CWC22: variants seen among roughly 807,000 people sequenced by gnomAD.
CWC22 encodes CWC22 spliceosome associated protein.
CWC22 carries 53 observed loss-of-function variants against 117.2 expected under a neutral mutation model. The observed-to-expected ratio is 0.45, with a 90% CI of 0.36 to 0.57. CWC22 has a LOEUF of 0.57. Among genes scored for constraint, CWC22 ranks in the 20% least tolerant of loss-of-function variants. The probability of loss-of-function intolerance (pLI) is 0.00; values close to 1 mark genes in which losing one functional copy is unlikely to be tolerated. For missense variants in CWC22, 980 were observed against 1,068.8 expected, an observed-to-expected ratio of 0.92 and a Z score of 1.16; for synonymous variants, 360 against 355.6, an observed-to-expected ratio of 1.01 and a Z score of -0.14.
At position 179,986,713 on chromosome 2, in the gene CWC22, T is replaced by A. The variant is rs1687427004; in HGVS notation, c.188A>T (p.Asp63Val). 6.3e-7 allele frequency: 1 copy of A among 1,594,840 alleles called. No homozygotes were observed. Among genetic ancestry groups the A allele is most frequent in the African/African-American group, 1.3e-5 (1 of 74,454 alleles). Residue 63 changes from aspartate to valine, a missense_variant, in exon 4 of 20, where the codon GAT becomes GTT. By Grantham distance (152) the Asp-to-Val change is radical (BLOSUM62 -3). Transcript: ENST00000410053. ...YEHSRRGRSY[D>V]SSMESRNRDR... ...CACTAACCGTGACTCCATGCTACTA[T>A]CATAAGAACGTCCTCTTCTTGAATG...
intron 4 of CWC22, 51 bp from the exon 5 acceptor site, chr2:179,982,048 T>G: frequency 1.0e-6 from 1 of 978,584 alleles, no homozygotes; most frequent in African/African-American, 1.6e-5. Context: ...AAACACACTC[T>G]TAGCAATTAA....
In CWC22 at chr2:179,992,617, A is replaced by G. The variant is rs1225953111; in HGVS notation, c.27+698T>C. On this transcript the variant is annotated intron_variant, in intron 2 of 19. Coordinates refer to ENST00000410053, the MANE Select transcript of CWC22 (RefSeq NM_020943.3). The stretch of plus-strand genomic sequence containing the variant: ...ACATACTACATAACTTATCAAGTTT[A>G]TAATTTATTTTATCTCCTCCCCACA... Among the ~76,000 whole-genome samples, 3 of 152,236 alleles carry G rather than the reference A, an allele frequency of 2.0e-5. No homozygotes were observed. In the East Asian group the frequency reaches 5.8e-4, roughly 29 times the overall value.
chr2:179,945,944 G>A (rs372704676), intron 19 of CWC22, among the ~76,000 whole-genome samples: 5 of 152,014 alleles, frequency 3.3e-5, no homozygotes, highest in African/African-American at 7.2e-5. Flanking sequence ...GTGCAGTGGC[G>A]CAATCTCGGC....
chr2:179,945,368 A>T lies in CWC22; in HGVS notation c.2488T>A (p.Phe830Ile). 2 of 1,612,528 alleles carry T rather than the reference A, an allele frequency of 1.2e-6. No individual in the cohort carries two copies. Among genetic ancestry groups the T allele is most frequent in the African/African-American group, 1.3e-5 (1 of 74,830 alleles). ...TGTGTATGCTTCTCATTTTCAGAAA[A>T]AGAATTTCTTCTCTCTCCTCTCTTC... ...KKKRGERRNS[F>I]SENEKHTHRI... Residue 830 changes from phenylalanine (F) to isoleucine (I), a missense_variant, in exon 20 of 20, where the codon TTT (phenylalanine) becomes ATT (isoleucine). By Grantham distance (21) the Phe-to-Ile change is conservative. This residue lies in a region of CWC22 where 306 missense variants were observed against 296.8 expected (regional missense o/e 1.03). Transcript: ENST00000410053.
chr2:179,972,706 T>C (rs985984309), intron 8 of CWC22, among the ~76,000 whole-genome samples: 1 of 152,138 alleles, frequency 6.6e-6, no homozygotes, highest in African/African-American at 2.4e-5. Context: ...CAAAGTGTTA[T>C]ATTAAAGAAT....
At chr2:179,984,106 T>A (rs1559294544) in intron 4 of CWC22, among the ~76,000 whole-genome samples, 1 of 152,142 alleles carries the variant, frequency 6.6e-6, no homozygotes, top group Non-Finnish European at 1.5e-5. Context: ...TTCATTTTCA[T>A]ATACTAGACC....
In CWC22 at chr2:180,007,150, T is replaced by G. The variant is rs1688003931; in HGVS notation, c.-397A>C. ...GCACCGACGGTAGGAAGAAGGCGAA[T>G]AGTGAAATATTTAAAAACTTGACGC... On this transcript the variant is annotated 5_prime_UTR_variant, in exon 1 of 20. Coordinates refer to ENST00000410053, the MANE Select transcript of CWC22 (RefSeq NM_020943.3). The G allele has an allele frequency of 6.6e-6, 1 of 152,224 alleles. No individual in the cohort carries two copies. The highest frequency in any genetic ancestry group is 1.5e-5 in the Non-Finnish European group (1 of 68,052). 9.4% of individuals were successfully genotyped at this position (152,224 alleles called of 1,614,324 possible).
In CWC22 at chr2:179,993,388, T is replaced by G; in HGVS notation, c.-47A>C. The G allele has an allele frequency of 7.0e-7, 1 of 1,427,114 alleles. No individual in the cohort carries two copies. The highest frequency in any genetic ancestry group is 9.7e-7 in the Non-Finnish European group (1 of 1,031,874). The allele number at this position is 1,427,114 out of a possible 1,614,324, so 88.4% of individuals were successfully genotyped here. ...ATAAATCAAAGATGCTTCAAACTGG[T>G]CCAAATAACAAGTACCCAATGCTCT... On this transcript the variant is annotated 5_prime_UTR_variant, in exon 2 of 20. Coordinates refer to ENST00000410053, the MANE Select transcript of CWC22 (RefSeq NM_020943.3).
At chr2:180,005,575 C>CAAACA (rs368034595) in intron 1 of CWC22, among the ~76,000 whole-genome samples, 10 of 151,678 alleles carry the variant, frequency 6.6e-5, no homozygotes, top group African/African-American at 9.7e-5. Context: ...GACTCCGTCT[C>CAAACA]AAACAAAACA....
rs763797687 is a variant in CWC22 at position 179,981,956 on chromosome 2, G to A, written c.248C>T (p.Thr83Met). 9.6e-6 allele frequency: 15 copies of A among 1,557,354 alleles called. No individual in the cohort carries two copies. The African/African-American group carries it at 1.4e-4, about 14-fold the overall frequency. The change falls in exon 5 of 20, where the codon ACG becomes ATG. Residue 83 changes from threonine to methionine, a missense_variant. By Grantham distance (81) the Thr-to-Met change is moderately conservative. Coordinates refer to ENST00000410053, the MANE Select transcript of CWC22 (RefSeq NM_020943.3). Reference protein sequence around the residue: ...REKRRERERDTDRKRSRKSPS... With the variant: ...REKRRERERDMDRKRSRKSPS... Reference sequence around the variant, plus strand: ...GGATTTCCGAGACCTTTTCCGATCCGTATCTCTTTCTCTTTCTCTGCGTTT... The same window carrying A: ...GGATTTCCGAGACCTTTTCCGATCCATATCTCTTTCTCTTTCTCTGCGTTT...
At position 179,993,447 on chromosome 2, in the gene CWC22, A is replaced by C. The variant is rs1687621302; in HGVS notation, c.-106T>G. On this transcript the variant is annotated 5_prime_UTR_variant, in exon 2 of 20. Coordinates refer to ENST00000410053, the MANE Select transcript of CWC22 (RefSeq NM_020943.3). ...TGACAGTTTACTTTTTCTGTCTGCA[A>C]ACATCACCTATAAAATATACCAAAG... The C allele has an allele frequency of 1.2e-5, 9 of 750,504 alleles. No homozygotes were observed. The Admixed American group carries it at 2.0e-4, about 16-fold the overall frequency. 46.5% of individuals were successfully genotyped at this position (750,504 alleles called of 1,614,324 possible).
rs1018999381 is a variant in CWC22, at chr2:179,980,637, C to T, written c.452+1115G>A. On this transcript the variant is annotated intron_variant, in intron 5 of 19. Transcript: ENST00000410053. ...TTCACTATATTGGCCAGGCTGGTCTCGAACTTTGGGAGGCCGAGGTGGGCG... is the reference window on the plus strand; with the variant it reads ...TTCACTATATTGGCCAGGCTGGTCTTGAACTTTGGGAGGCCGAGGTGGGCG... Among the ~76,000 whole-genome samples the T allele has an allele frequency of 8.6e-5, 13 of 151,980 alleles. 1 individual carries two copies. The highest frequency in any genetic ancestry group is 6.6e-4 in the Admixed American group (10 of 15,260).
intron 19 of CWC22, among the ~76,000 whole-genome samples, chr2:179,948,613 A>G (rs1559283181): frequency 6.6e-6 from 1 of 152,206 alleles, no homozygotes; most frequent in Non-Finnish European, 1.5e-5. Context: ...TAAGAACAAC[A>G]CATTGTTTCT....
intron 14 of CWC22, among the ~76,000 whole-genome samples, chr2:179,955,553 G>C (rs1438562771): frequency 6.6e-6 from 1 of 151,780 alleles, no homozygotes; most frequent in Non-Finnish European, 1.5e-5. Flanking sequence ...CGTTGATAAA[G>C]AAACATCAAA....
Position 179,945,194 on chromosome 2 carries a change from G to T in CWC22, c.2662C>A (p.Gln888Lys). The T allele has an allele frequency of 6.2e-7, 1 of 1,613,454 alleles. No individual in the cohort carries two copies. Among genetic ancestry groups the T allele is most frequent in the African/African-American group, 1.3e-5 (1 of 74,980 alleles). ...RWEKSSRYSE[Q>K]SRESKKNQDR... ...TGATTTTTCTTTGATTCTCTGGATTGTTCAGAGTATCTGCTAGATTTTTCC... is the reference window on the plus strand; with the variant it reads ...TGATTTTTCTTTGATTCTCTGGATTTTTCAGAGTATCTGCTAGATTTTTCC... Residue 888 changes from glutamine to lysine, a missense_variant, in exon 20 of 20, where the codon CAA becomes AAA. By Grantham distance (53) the Gln-to-Lys change is moderately conservative (BLOSUM62 1). Transcript: ENST00000410053.
In CWC22 at chr2:179,988,596, T is replaced by C; in HGVS notation, c.76A>G (p.Asn26Asp). Residue 26 changes from asparagine to aspartate, a missense_variant, in exon 3 of 20, where the codon AAC becomes GAC. Physicochemically the swap from Asn to Asp is conservative, Grantham distance 23. This residue lies in a region of CWC22 where 559 missense variants were observed against 602.3 expected (regional missense o/e 0.93). Coordinates refer to ENST00000410053, the MANE Select transcript of CWC22 (RefSeq NM_020943.3). ...RRENLNSYQRNSSPEDRYEEQ... is the reference protein window; with the variant it reads ...RRENLNSYQRDSSPEDRYEEQ... ...ATTTACCTGTCTTCTGGAGAGGAGT[T>C]CCTCTGATATGAATTAAGGTTTTCC... 6.6e-7 allele frequency: 1 copy of C among 1,525,758 alleles called. No homozygotes were observed. The highest frequency in any genetic ancestry group is 8.9e-7 in the Non-Finnish European group (1 of 1,126,096). 94.5% of individuals were successfully genotyped at this position (1,525,758 alleles called of 1,614,324 possible).
intron 4 of CWC22, among the ~76,000 whole-genome samples, chr2:179,985,299 A>C (rs1191970472): frequency 6.6e-6 from 1 of 152,080 alleles, no homozygotes; most frequent in Non-Finnish European, 1.5e-5. Context: ...ATGCAAGTTA[A>C]GGAAATACTA....
intron 19 of CWC22, among the ~76,000 whole-genome samples, chr2:179,950,133 GATAT>G (rs769838251): frequency 6.6e-6 from 1 of 152,086 alleles, no homozygotes; most frequent in African/African-American, 2.4e-5. Context: ...ATGAATGTAT[GATAT>G]ATCTCAATTA....
intron 1 of CWC22, among the ~76,000 whole-genome samples, chr2:179,997,889 T>G (rs547469939): frequency 3.3e-5 from 5 of 152,286 alleles, no homozygotes; most frequent in Admixed American, 6.5e-5. Context: ...ACTTTTTTCC[T>G]ACAGGTCAGT....
Sources: allele counts gnomAD v4.1 joint callset (sites outside exome capture counted in the v4.1 genomes callset), GRCh38; gene constraint gnomAD v4.1.1; regional missense constraint gnomAD v4.1.1; transcripts MANE v1.5; gene names NCBI Gene and HGNC (gene_info 2026-07-23, HGNC 2026-07-21).